Variants in SPAG6 observed in about 807,000 individuals in gnomAD.
SPAG6 encodes sperm-associated antigen 6.
In SPAG6, 49 loss-of-function variants were observed where a neutral mutation model predicts 58.5. That is an observed-to-expected ratio of 0.84 (90% CI 0.67 to 1.06). SPAG6 has a LOEUF of 1.06. SPAG6 is among the 50% of genes least tolerant of loss of function. The probability of loss-of-function intolerance (pLI) is 0.00; values close to 1 mark genes in which losing one functional copy is unlikely to be tolerated. For synonymous variants in SPAG6, 233 were observed against 225.6 expected, an observed-to-expected ratio of 1.03 and a Z score of -0.29; for missense variants, 560 against 611.3, an observed-to-expected ratio of 0.92 and a Z score of 0.89.
At chr10:22,371,018 TA>T (rs769744788) in intron 4 of SPAG6, among the ~76,000 whole-genome samples, 6 of 152,174 alleles carry the variant, frequency 3.9e-5, no homozygotes, top group Non-Finnish European at 8.8e-5. Context: ...TTATAGTTCA[TA>T]AACAGGATCT....
intron 9 of SPAG6, among the ~76,000 whole-genome samples, chr10:22,408,720 C>A (rs942588540): frequency 1.3e-5 from 2 of 151,312 alleles, no homozygotes; most frequent in African/African-American, 2.4e-5. Context: ...CAATGGCGGG[C>A]GCCCCTCCCC....
chr10:22,387,270 T>C (rs1834088590), intron 5 of SPAG6, among the ~76,000 whole-genome samples: 1 of 152,198 alleles, frequency 6.6e-6, no homozygotes, highest in Non-Finnish European at 1.5e-5. Context: ...AACCCACCAC[T>C]ATAATATTGT....
chr10:22,363,804 A>T (rs1837112920), intron 2 of SPAG6, among the ~76,000 whole-genome samples: 1 of 152,222 alleles, frequency 6.6e-6, no homozygotes, highest in South Asian at 2.1e-4. Context: ...TTTTGTGTAT[A>T]ACTAGGATAT....
intron 2 of SPAG6, among the ~76,000 whole-genome samples, chr10:22,348,643 GA>G (rs751818937): frequency 2.6e-5 from 4 of 152,146 alleles, no homozygotes; most frequent in Non-Finnish European, 5.9e-5. Context: ...TATGTGAAAG[GA>G]ATATTAAAGG....
At position 22,391,533 on chromosome 10, in the gene SPAG6, G is replaced by A. The variant is rs925898159; in HGVS notation, c.1006-196G>A. Reference sequence around the variant, plus strand: ...TTCTTGGTTTAGTTGAATCGTTACCGATAATTAAGGTAATTTAGTTCTAGT... The same window carrying A: ...TTCTTGGTTTAGTTGAATCGTTACCAATAATTAAGGTAATTTAGTTCTAGT... On this transcript the variant is annotated intron_variant, in intron 7 of 10. Transcript: ENST00000376624. 7.2e-5 allele frequency among the ~76,000 whole-genome samples: 11 copies of A among 152,258 alleles called. No individual in the cohort carries two copies. In the East Asian group the frequency reaches 1.5e-3, roughly 21 times the overall value.
chr10:22,356,315 T>A (rs1358585115), intron 2 of SPAG6, among the ~76,000 whole-genome samples: 1 of 152,262 alleles, frequency 6.6e-6, no homozygotes, highest in Non-Finnish European at 1.5e-5. Context: ...AGGGGTGCCA[T>A]TTATATCAAT....
At chr10:22,362,557 A>G (rs537622042) in intron 2 of SPAG6, among the ~76,000 whole-genome samples, 6 of 152,034 alleles carry the variant, frequency 3.9e-5, no homozygotes, top group Middle Eastern at 3.4e-3. Context: ...CCTGGGCAAC[A>G]TAGTGAGACC....
At chr10:22,383,408 G>T (rs1428039892) in intron 4 of SPAG6, among the ~76,000 whole-genome samples, 1 of 152,142 alleles carries the variant, frequency 6.6e-6, no homozygotes, top group Admixed American at 6.5e-5. Context: ...AGGAGGCTGA[G>T]GTGGGTGGAT....
intron 10 of SPAG6, among the ~76,000 whole-genome samples, chr10:22,412,285 C>T (rs1834759781): frequency 6.6e-6 from 1 of 152,164 alleles, no homozygotes; most frequent in African/African-American, 2.4e-5. Flanking sequence ...ATTTTTAAAA[C>T]TTACATGCTG....
Position 22,387,929 on chromosome 10 carries a change from A to G in SPAG6, c.785A>G (p.Asp262Gly), listed in dbSNP as rs1834106012. Reference sequence around the variant, plus strand: ...CCAGTTGTACTTACCTGTCTGAAGGACAAGGATGAATACGTGAAGAAAAAT... The same window carrying G: ...CCAGTTGTACTTACCTGTCTGAAGGGCAAGGATGAATACGTGAAGAAAAAT... ...IFPVVLTCLK[D>G]KDEYVKKNAS... is the part of the protein sequence containing the mutation. Residue 262 changes from aspartate to glycine, a missense_variant, in exon 6 of 11, where the codon GAC becomes GGC. Asp to Gly is a moderately conservative substitution (Grantham distance 94). Coordinates refer to ENST00000376624, the MANE Select transcript of SPAG6 (RefSeq NM_012443.4). 1.2e-6 allele frequency: 2 copies of G among 1,613,262 alleles called. No homozygotes were observed. Among genetic ancestry groups the G allele is most frequent in the Non-Finnish European group, 1.7e-6 (2 of 1,179,564 alleles).
At position 22,359,398 on chromosome 10, in the gene SPAG6, AT is replaced by A. The variant is rs948763199; in HGVS notation, c.122-5446del. ...ATCTAACATATTTTATAAATTTATG[AT>A]TTTTTTTTGAGATGGAGTCTCATTC... On this transcript the variant is annotated intron_variant, in intron 2 of 10. Coordinates refer to ENST00000376624, the MANE Select transcript of SPAG6 (RefSeq NM_012443.4). 137 of 336,004 alleles carry A rather than the reference AT, an allele frequency of 4.1e-4. No homozygotes were observed. In the Middle Eastern group the frequency reaches 4.6e-3, roughly 11 times the overall value. 20.8% of individuals were successfully genotyped at this position (336,004 alleles called of 1,614,324 possible). A position where few individuals can be genotyped will look rare whatever the true frequency, so the allele number is the denominator to read the frequency against.
chr10:22,389,488 G>T (rs951188029), intron 7 of SPAG6, among the ~76,000 whole-genome samples, 176 bp downstream of exon 7: 3 of 152,176 alleles, frequency 2.0e-5, no homozygotes, highest in African/African-American at 7.2e-5. Context: ...GTAATGGGAA[G>T]TTTAAAGTTT....
intron 8 of SPAG6, among the ~76,000 whole-genome samples, chr10:22,398,215 AC>A (rs1277966118): frequency 7.2e-5 from 11 of 152,204 alleles, no homozygotes; most frequent in Non-Finnish European, 1.2e-4. Flanking sequence ...ATCAATTTGG[AC>A]CCTTATCTCA....
At chr10:22,416,480 A>G (rs1157056472) in intron 10 of SPAG6, 139 bp from the exon 11 acceptor site, 2 of 533,430 alleles carry the variant, frequency 3.7e-6, no homozygotes, top group African/African-American at 3.8e-5. Context: ...TGCACAAAGC[A>G]TTACTGGAGC....
chr10:22,387,428 A>G lies in SPAG6; in HGVS notation c.679-395A>G, dbSNP rs115201267. ...ATTGTTAACATTAACTAAGCAATGGAACATTCTTTGAAATGGTATCAGCAT... is the reference window on the plus strand; with the variant it reads ...ATTGTTAACATTAACTAAGCAATGGGACATTCTTTGAAATGGTATCAGCAT... On this transcript the variant is annotated intron_variant, in intron 5 of 10. Transcript: ENST00000376624. Among the ~76,000 whole-genome samples, 687 of 152,294 alleles carry G rather than the reference A, an allele frequency of 4.5e-3. 5 individuals are homozygous for G. Among genetic ancestry groups the G allele is most frequent in the African/African-American group, 0.016 (667 of 41,554 alleles).
At chr10:22,414,010 A>C (rs2130653268) in intron 10 of SPAG6, among the ~76,000 whole-genome samples, 1 of 152,214 alleles carries the variant, frequency 6.6e-6, no homozygotes, top group East Asian at 1.9e-4. Flanking sequence ...TTTAATGAAG[A>C]AAGGTAGGTA....
At chr10:22,401,403 A>G in intron 9 of SPAG6, 126 bp downstream of exon 9, 1 of 652,166 alleles carries the variant, frequency 1.5e-6, no homozygotes, top group Non-Finnish European at 2.7e-6. Flanking sequence ...AACTCTCACC[A>G]ATCTGTATGG....
intron 2 of SPAG6, among the ~76,000 whole-genome samples, chr10:22,353,734 A>C (rs1836792179): frequency 6.6e-6 from 1 of 152,244 alleles, no homozygotes; most frequent in African/African-American, 2.4e-5. Flanking sequence ...TTATTTGCTA[A>C]TGGAAAGACA....
At chr10:22,348,670 G>A (rs1836634151) in intron 2 of SPAG6, among the ~76,000 whole-genome samples, 1 of 152,078 alleles carries the variant, frequency 6.6e-6, no homozygotes, top group Admixed American at 6.6e-5. Flanking sequence ...ATTGTCAATG[G>A]AGTTTTTATT....
Sources: allele counts gnomAD v4.1 joint callset (sites outside exome capture counted in the v4.1 genomes callset), GRCh38; gene constraint gnomAD v4.1.1; transcripts MANE v1.5; gene names NCBI Gene and HGNC (gene_info 2026-07-23, HGNC 2026-07-21).